The following KCNC2 variants were observed in gnomAD, a reference collection of about 807,000 sequenced individuals.
The protein encoded by KCNC2 is voltage-gated potassium channel KCNC2.
A neutral mutation model predicts 44.5 loss-of-function variants in KCNC2; 21 were observed. The observed-to-expected ratio is 0.47, with a 90% confidence interval of 0.33 to 0.68. The LOEUF (loss-of-function observed/expected upper bound fraction) is 0.68, where lower values mean the gene tolerates loss of function less well. Among genes scored for constraint, KCNC2 ranks in the 30% least tolerant of loss-of-function variants. The pLI is 0.01. For synonymous variants in KCNC2, 391 were observed against 339.1 expected, an observed-to-expected ratio of 1.15 and a Z score of -1.68; for missense variants, 589 against 826.2, an observed-to-expected ratio of 0.71 and a Z score of 3.52.
Position 75,042,466 on chromosome 12 carries a change from A to G in KCNC2, c.*639T>C, listed in dbSNP as rs1041120525. The G allele has an allele frequency of 2.0e-6, 3 of 1,492,160 alleles. No homozygotes were observed. Among genetic ancestry groups the G allele is most frequent in the Non-Finnish European group, 2.7e-6 (3 of 1,117,516 alleles). 92.4% of individuals were successfully genotyped at this position (1,492,160 alleles called of 1,614,324 possible). On this transcript the variant is annotated 3_prime_UTR_variant, in exon 5 of 5. Coordinates refer to ENST00000549446, the MANE Select transcript of KCNC2 (RefSeq NM_139137.4). ...CAAGAAATTAAACTATTTAAAACAT[A>G]TATTTCTTTCAAATAATAAGAAAAA...
At chr12:75,172,658 T>A (rs1251077173) in intron 2 of KCNC2, among the ~76,000 whole-genome samples, 1 of 151,876 alleles carries the variant, frequency 6.6e-6, no homozygotes, top group Non-Finnish European at 1.5e-5. Flanking sequence ...TTAAAATTAA[T>A]CAAAACATTC....
At chr12:75,051,897 A>G (rs1012796319) in intron 2 of KCNC2, among the ~76,000 whole-genome samples, 3 of 152,118 alleles carry the variant, frequency 2.0e-5, no homozygotes, top group African/African-American at 7.2e-5. Flanking sequence ...AGACTTGTCC[A>G]AAAGTGCAAA....
intron 4 of KCNC2, among the ~76,000 whole-genome samples, chr12:75,045,584 G>A (rs1880403674): frequency 1.3e-5 from 2 of 151,738 alleles, no homozygotes; most frequent in South Asian, 4.2e-4. Context: ...AATTCATGAG[G>A]GTAAACACTG....
chr12:75,130,916 A>G (rs1466326190), intron 2 of KCNC2, among the ~76,000 whole-genome samples: 1 of 152,090 alleles, frequency 6.6e-6, no homozygotes, highest in Non-Finnish European at 1.5e-5. Flanking sequence ...AACATCTGCC[A>G]TTCACAGACA....
chr12:75,059,410 G>A (rs994359736), intron 2 of KCNC2, among the ~76,000 whole-genome samples: 1 of 151,954 alleles, frequency 6.6e-6, no homozygotes, highest in African/African-American at 2.4e-5. Context: ...GAGTTCTCTA[G>A]AGGCTACATG....
intron 2 of KCNC2, among the ~76,000 whole-genome samples, chr12:75,074,513 G>A (rs556096147): frequency 6.6e-6 from 1 of 152,134 alleles, no homozygotes; most frequent in East Asian, 1.9e-4. Flanking sequence ...TTTCCTCAAA[G>A]CAAAAACTGC....
At chr12:75,173,075 C>G (rs1292927508) in intron 2 of KCNC2, among the ~76,000 whole-genome samples, 1 of 151,844 alleles carries the variant, frequency 6.6e-6, no homozygotes, top group Non-Finnish European at 1.5e-5. Context: ...TAATTACCAT[C>G]CCTTTGAATA....
At chr12:75,118,221 C>G (rs907772937) in intron 2 of KCNC2, among the ~76,000 whole-genome samples, 1 of 152,066 alleles carries the variant, frequency 6.6e-6, no homozygotes, top group African/African-American at 2.4e-5. Context: ...GTTAAATGAG[C>G]ATATACTGAG....
In KCNC2 at chr12:75,067,886, A is replaced by G. The variant is rs184882575; in HGVS notation, c.688-16569T>C. Among the ~76,000 whole-genome samples the G allele has an allele frequency of 2.1e-4, 32 of 152,228 alleles. No individual in the cohort carries two copies. The South Asian group carries it at 6.0e-3, about 29-fold the overall frequency. On this transcript the variant is annotated intron_variant, in intron 2 of 4. Coordinates refer to ENST00000549446, the MANE Select transcript of KCNC2 (RefSeq NM_139137.4). Reference sequence around the variant, plus strand: ...CTATGAACTCTTAGGGCAAAAAAAAAACATACTTTTTTTATGTTCTCCGTC... The same window carrying G: ...CTATGAACTCTTAGGGCAAAAAAAAGACATACTTTTTTTATGTTCTCCGTC...
intron 2 of KCNC2, among the ~76,000 whole-genome samples, chr12:75,075,458 C>CATAT (rs5799200): frequency 6.9e-5 from 10 of 145,602 alleles, no homozygotes; most frequent in East Asian, 2.0e-4. Flanking sequence ...TATATATATA[C>CATAT]ATATATATAT....
chr12:75,164,672 A>C (rs1891330498), intron 2 of KCNC2, among the ~76,000 whole-genome samples: 1 of 151,660 alleles, frequency 6.6e-6, no homozygotes, highest in Admixed American at 6.6e-5. Flanking sequence ...AGTAAATTCC[A>C]GTCCCTGAAA....
intron 2 of KCNC2, among the ~76,000 whole-genome samples, chr12:75,198,433 C>T (rs1055459302): frequency 1.3e-5 from 2 of 151,790 alleles, no homozygotes; most frequent in Admixed American, 6.6e-5. Context: ...CTGCCCATTT[C>T]CTACTCAGTC....
intron 2 of KCNC2, among the ~76,000 whole-genome samples, chr12:75,184,998 A>G (rs1892838020): frequency 6.6e-6 from 1 of 152,220 alleles, no homozygotes; most frequent in Non-Finnish European, 1.5e-5. Context: ...TGCAGGCTCT[A>G]TCTGAAGGGA....
At chr12:75,126,143 G>A (rs1888408027) in intron 2 of KCNC2, among the ~76,000 whole-genome samples, 1 of 152,046 alleles carries the variant, frequency 6.6e-6, no homozygotes, top group South Asian at 2.1e-4. Flanking sequence ...ACTACACAAA[G>A]CAGTAAACAA....
intron 2 of KCNC2, among the ~76,000 whole-genome samples, chr12:75,077,202 G>A (rs1214408465): frequency 6.6e-6 from 1 of 152,142 alleles, no homozygotes; most frequent in Non-Finnish European, 1.5e-5. Context: ...ACACCACGAG[G>A]ACTAGCATTG....
At chr12:75,082,871 G>A (rs1446459233) in intron 2 of KCNC2, among the ~76,000 whole-genome samples, 1 of 151,602 alleles carries the variant, frequency 6.6e-6, no homozygotes, top group Non-Finnish European at 1.5e-5. Context: ...TATAGAGACA[G>A]AAATAAGTCT....
At chr12:75,141,095 G>A (rs1423249659) in intron 2 of KCNC2, among the ~76,000 whole-genome samples, 4 of 152,102 alleles carry the variant, frequency 2.6e-5, no homozygotes, top group African/African-American at 9.7e-5. Context: ...TCACACAATT[G>A]CATAACCCAC....
At chr12:75,119,858 AAATACATGGTAGTTTAAGAAACAG>A (rs1174724077) in intron 2 of KCNC2, among the ~76,000 whole-genome samples, 1 of 152,242 alleles carries the variant, frequency 6.6e-6, no homozygotes, top group East Asian at 1.9e-4. Context: ...AACAGTAACT[AAATACATGGTAGTTTAAGAAACAG>A]ATGACCCTTT....
chr12:75,134,251 G>T (rs1264902787), intron 2 of KCNC2, among the ~76,000 whole-genome samples: 1 of 151,826 alleles, frequency 6.6e-6, no homozygotes, highest in African/African-American at 2.4e-5. Context: ...TTAAAGCATA[G>T]TGAACTGCCT....
Sources: gnomAD v4.1 joint callset for allele counts (sites outside exome capture counted in the v4.1 genomes callset) on GRCh38, gnomAD v4.1.1 for gene constraint, MANE v1.5 for transcripts, NCBI Gene and HGNC (gene_info 2026-07-23, HGNC 2026-07-21) for gene names.